Variants in KDM6A observed in about 807,000 individuals in gnomAD.
The protein encoded by KDM6A is lysine demethylase 6A.
KDM6A carries 11 observed loss-of-function variants against 117.6 expected under a neutral mutation model. That is an observed-to-expected ratio of 0.09 (90% CI 0.06 to 0.15). The LOEUF is 0.15. KDM6A is among the 10% of genes least tolerant of loss of function. The pLI is 1.00. For missense variants in KDM6A, 799 were observed against 1,077.3 expected, an observed-to-expected ratio of 0.74 and a Z score of 3.62; for synonymous variants, 384 against 396.1, an observed-to-expected ratio of 0.97 and a Z score of 0.36.
chrX:44,899,990 C>CTA (rs1400252970), intron 2 of KDM6A, among the ~76,000 whole-genome samples: 2 of 112,021 alleles, frequency 1.8e-5, no homozygotes, highest in Non-Finnish European at 3.8e-5. Flanking sequence ...GTTTAAATAA[C>CTA]TAGAAGGCTT....
At chrX:44,911,609 A>G (rs978176189) in intron 2 of KDM6A, among the ~76,000 whole-genome samples, 9 of 112,110 alleles carry the variant, frequency 8.0e-5, no homozygotes, top group Admixed American at 7.5e-4. Flanking sequence ...GACGCTCCTC[A>G]CTTCCCAGAT....
At chrX:44,912,434 A>G (rs996240845) in intron 2 of KDM6A, among the ~76,000 whole-genome samples, 2 of 111,811 alleles carry the variant, frequency 1.8e-5, no homozygotes, top group Non-Finnish European at 3.8e-5. Flanking sequence ...TTCTTTTCCA[A>G]TCATGACAGT....
At chrX:45,053,028 C>G (rs954233122) in intron 9 of KDM6A, among the ~76,000 whole-genome samples, 8 of 111,604 alleles carry the variant, frequency 7.2e-5, no homozygotes, top group African/African-American at 2.6e-4. Context: ...TATATGTAGT[C>G]AGGGCCAGTG....
At chrX:44,918,680 A>G (rs2035711582) in intron 2 of KDM6A, among the ~76,000 whole-genome samples, 1 of 112,015 alleles carries the variant, frequency 8.9e-6, no homozygotes, top group South Asian at 3.6e-4. Flanking sequence ...TAGTATAACA[A>G]TACAGTTTTT....
intron 2 of KDM6A, among the ~76,000 whole-genome samples, chrX:44,878,400 A>G (rs1311799230): frequency 1.8e-5 from 2 of 112,439 alleles, no homozygotes; most frequent in South Asian, 3.6e-4. Context: ...GAAAGTAGCC[A>G]TGGAAATAAT....
intron 2 of KDM6A, among the ~76,000 whole-genome samples, chrX:44,959,741 G>C (rs1409136750): frequency 9.0e-6 from 1 of 111,412 alleles, no homozygotes; most frequent in Non-Finnish European, 1.9e-5. Context: ...TGCCAGATAA[G>C]AATTATATAT....
At chrX:45,037,756 A>T in intron 8 of KDM6A, 67 bp downstream of exon 8, 1 of 880,896 alleles carries the variant, frequency 1.1e-6, no homozygotes. Flanking sequence ...ATCATGCTTT[A>T]CTGAAATCAG....
chrX:45,038,779 G>C (rs2042926500), intron 8 of KDM6A, among the ~76,000 whole-genome samples: 1 of 111,115 alleles, frequency 9.0e-6, no homozygotes, highest in African/African-American at 3.3e-5. Flanking sequence ...TGAAAAAAAA[G>C]TATAACACGT....
rs781058554 is a variant in KDM6A at position 45,070,308 on chromosome X, A to G, written c.2809A>G (p.Met937Val). The change falls in exon 18 of 30, where the codon ATG becomes GTG. Residue 937 changes from methionine to valine, a missense_variant. Met to Val is a conservative substitution (Grantham distance 21). This residue lies in a region of KDM6A where 291 missense variants were observed against 437.9 expected (regional missense o/e 0.66). Transcript: ENST00000611820. ...HKPSPQIIPS[M>V]SVSIYPSSAE... ...ACCTAGTCCACAGATCATACCATCA[A>G]TGTCTGTGTCCATATACCCCAGCTC... The G allele has an allele frequency of 8.3e-7, 1 of 1,209,987 alleles. No homozygotes were observed. The highest frequency in any genetic ancestry group is 1.8e-5 in the South Asian group (1 of 56,925).
chrX:44,936,200 A>G lies in KDM6A; in HGVS notation c.226-25084A>G, dbSNP rs150858548. The stretch of plus-strand genomic sequence containing the variant: ...TCACTGCCTACTTTGTGTGCCTGAA[A>G]ACTCCTGCTATCTTATAAAAGGACA... On this transcript the variant is annotated intron_variant, in intron 2 of 29. Transcript: ENST00000611820. Among the ~76,000 whole-genome samples, 375 of 111,290 alleles carry G rather than the reference A, an allele frequency of 3.4e-3. 2 individuals are homozygous for G. Among genetic ancestry groups the G allele is most frequent in the South Asian group, 0.033 (86 of 2,594 alleles).
chrX:45,014,592 T>TA (rs2041889655), intron 5 of KDM6A, among the ~76,000 whole-genome samples: 1 of 112,154 alleles, frequency 8.9e-6, no homozygotes, highest in Admixed American at 9.5e-5. Context: ...TTGTTCTTAT[T>TA]CATTAAGGTG....
At chrX:44,968,375 A>G (rs2039140524) in intron 3 of KDM6A, among the ~76,000 whole-genome samples, 2 of 112,362 alleles carry the variant, frequency 1.8e-5, no homozygotes, top group African/African-American at 6.5e-5. Context: ...AGTGTCTACT[A>G]TACCTCCTTT....
chrX:45,034,782 A>C, intron 6 of KDM6A, 149 bp from the exon 7 acceptor site: 1 of 495,305 alleles, frequency 2.0e-6, no homozygotes, highest in East Asian at 3.7e-5. Context: ...GTAAATGTTC[A>C]AAGTATTTCT....
rs1239485978 is a variant in KDM6A, at chrX:45,061,394, G to T, written c.1556G>T (p.Trp519Leu). The change falls in exon 15 of 30, where the codon TGG becomes TTG. Residue 519 changes from tryptophan (W) to leucine (L), a missense_variant. Physicochemically the swap from Trp to Leu is moderately conservative, Grantham distance 61. This residue lies in a region of KDM6A where 301 missense variants were observed against 318.3 expected (regional missense o/e 0.95). Transcript: ENST00000611820. ...HPPVQQQAHS[W>L]CLTPQKLQHL... is the part of the protein sequence containing the mutation. ...CCAGTACAGCAACAAGCTCATTCAT[G>T]GTGTTTGACACCACAGAAATTACAG... 1 of 1,153,457 alleles carries T rather than the reference G, an allele frequency of 8.7e-7. No individual in the cohort carries two copies. Among genetic ancestry groups the T allele is most frequent in the East Asian group, 3.0e-5 (1 of 33,022 alleles).
Position 45,082,863 on chromosome X carries a change from A to G in KDM6A, c.3440+74A>G. ...TGTGCTAGATTGGGAATTCTCTACA[A>G]TTTCCTCTTCTGTTTCATTTATTGT... is the stretch of plus-strand genomic sequence containing the variant. On this transcript the variant is annotated intron_variant, in intron 23 of 29. Transcript: ENST00000611820. The G allele has an allele frequency of 6.0e-6, 4 of 662,808 alleles. No individual in the cohort carries two copies. In the East Asian group the frequency reaches 1.3e-4, roughly 22 times the overall value. The allele number at this position is 662,808 out of a possible 1,213,427, so 54.6% of individuals were successfully genotyped here. A position where few individuals can be genotyped will look rare whatever the true frequency, so the allele number is the denominator to read the frequency against.
chrX:45,047,484 T>A lies in KDM6A; in HGVS notation c.655-4225T>A, dbSNP rs187928527. On this transcript the variant is annotated intron_variant, in intron 8 of 29. Coordinates refer to ENST00000611820, the MANE Select transcript of KDM6A (RefSeq NM_001291415.2). ...AAATGCATTGATTTCTTTTTTTTTT[T>A]AAATATACTTTCCAATCTGCTATTC... Among the ~76,000 whole-genome samples, 1,028 of 107,503 alleles carry A rather than the reference T, an allele frequency of 9.6e-3. 6 individuals carry two copies. Among genetic ancestry groups the A allele is most frequent in the Non-Finnish European group, 0.016 (853 of 52,025 alleles). The allele number at this position is 107,503 out of a possible 115,157, so 93.4% of individuals were successfully genotyped here. A position where few individuals can be genotyped will look rare whatever the true frequency, so the allele number is the denominator to read the frequency against.
chrX:45,063,845 G>T (rs1355200236), intron 17 of KDM6A, 28 bp downstream of exon 17: 18 of 1,150,959 alleles, frequency 1.6e-5, no homozygotes, highest in Non-Finnish European at 2.1e-5. Flanking sequence ...TTCCTTGTTG[G>T]CTTTTCACAT....
At chrX:44,982,578 T>C (rs2039965992) in intron 4 of KDM6A, among the ~76,000 whole-genome samples, 1 of 112,047 alleles carries the variant, frequency 8.9e-6, no homozygotes, top group Non-Finnish European at 1.9e-5. Context: ...AAGAGATTAA[T>C]TCACATTTTT....
At chrX:45,026,242 T>C (rs1251784724) in intron 6 of KDM6A, among the ~76,000 whole-genome samples, 2 of 112,186 alleles carry the variant, frequency 1.8e-5, no homozygotes, top group Admixed American at 9.5e-5. Context: ...TGCCATCTTA[T>C]TATACTCGAC....
Sources: gnomAD v4.1 joint callset for allele counts (sites outside exome capture counted in the v4.1 genomes callset) on GRCh38, gnomAD v4.1.1 for gene constraint, gnomAD v4.1.1 regional missense constraint, MANE v1.5 for transcripts, NCBI Gene and HGNC (gene_info 2026-07-23, HGNC 2026-07-21) for gene names.